The following RELCH variants were observed in gnomAD, a reference collection of about 807,000 sequenced individuals.
RELCH encodes the protein RAB11 binding and LisH domain, coiled-coil and HEAT repeat containing, also known as RAB11-binding protein RELCH.
RELCH carries 41 observed loss-of-function variants against 150.3 expected under a neutral mutation model. The observed-to-expected ratio is 0.27, with a 90% CI of 0.21 to 0.35. The LOEUF (loss-of-function observed/expected upper bound fraction) is 0.35, where lower values mean the gene tolerates loss of function less well. RELCH is among the 10% of genes least tolerant of loss of function. The pLI, the probability that RELCH is intolerant of heterozygous loss-of-function variation, is 1.00. For synonymous variants in RELCH, 478 were observed against 531.8 expected, an observed-to-expected ratio of 0.90 and a Z score of 1.39; for missense variants, 1,092 against 1,467.8, an observed-to-expected ratio of 0.74 and a Z score of 4.18.
intron 1 of RELCH, among the ~76,000 whole-genome samples, chr18:62,190,094 G>T (rs1366291763): frequency 1.3e-5 from 2 of 152,078 alleles, no homozygotes; most frequent in Non-Finnish European, 2.9e-5. Context: ...AATGGTAGTT[G>T]CCTTACCTGT....
intron 11 of RELCH, among the ~76,000 whole-genome samples, chr18:62,250,545 A>T (rs2042648462): frequency 6.6e-6 from 1 of 152,208 alleles, no homozygotes. Context: ...CTAAAGTAGA[A>T]GGAAATAGGA....
At chr18:62,237,140 T>C (rs2041916133) in intron 10 of RELCH, among the ~76,000 whole-genome samples, 1 of 151,986 alleles carries the variant, frequency 6.6e-6, no homozygotes, top group African/African-American at 2.4e-5. Flanking sequence ...CATTCTGTTG[T>C]AGTCAGAGAA....
intron 2 of RELCH, among the ~76,000 whole-genome samples, chr18:62,220,581 A>G (rs2040802822): frequency 6.9e-6 from 1 of 145,982 alleles, no homozygotes; most frequent in African/African-American, 2.6e-5. Flanking sequence ...TAACTTTTGT[A>G]AAAAAAAAAT....
intron 2 of RELCH, among the ~76,000 whole-genome samples, chr18:62,219,779 C>T (rs2040732214): frequency 6.6e-6 from 1 of 151,998 alleles, no homozygotes; most frequent in Non-Finnish European, 1.5e-5. Flanking sequence ...CCTTTGTGTA[C>T]TAGATGTGAT....
At chr18:62,293,874 C>T (rs1159637622) in intron 27 of RELCH, among the ~76,000 whole-genome samples, 1 of 151,958 alleles carries the variant, frequency 6.6e-6, no homozygotes. Flanking sequence ...TATTTTCATA[C>T]TTTGTTTTTC....
In RELCH at chr18:62,305,375, T is replaced by C; in HGVS notation, c.3531-39T>C. 1 of 1,559,410 alleles carries C rather than the reference T, an allele frequency of 6.4e-7. No individual in the cohort carries two copies. The highest frequency in any genetic ancestry group is 8.6e-7 in the Non-Finnish European group (1 of 1,156,526). On this transcript the variant is annotated intron_variant, in intron 28 of 28. Transcript: ENST00000644646. The surrounding 1 kb of genome is among the most constrained non-coding windows in gnomAD (Gnocchi z 4.0). ...TAAATAAATGAAAAATTTTTATTTT[T>C]TTAATTGCTTTACATGAATTTTAAA...
At chr18:62,272,861 T>C (rs1240743696) in intron 20 of RELCH, among the ~76,000 whole-genome samples, 1 of 152,086 alleles carries the variant, frequency 6.6e-6, no homozygotes, top group Non-Finnish European at 1.5e-5. Context: ...TATTTTATAT[T>C]TGAAATAGTA....
intron 5 of RELCH, among the ~76,000 whole-genome samples, chr18:62,221,700 A>T (rs2148375611): frequency 6.6e-6 from 1 of 151,732 alleles, no homozygotes; most frequent in African/African-American, 2.4e-5. Context: ...TTCTACATAA[A>T]GACTTTTCAT....
intron 1 of RELCH, among the ~76,000 whole-genome samples, chr18:62,195,280 C>CTGTGTGTG (rs148387504): frequency 0.074 from 10,030 of 136,176 alleles, 368 homozygotes; most frequent in South Asian, 0.13. Context: ...TACACACACT[C>CTGTGTGTG]TGTGTGTGTG....
chr18:62,249,813 A>T (rs1233567127), intron 11 of RELCH, among the ~76,000 whole-genome samples: 1 of 152,056 alleles, frequency 6.6e-6, no homozygotes, highest in African/African-American at 2.4e-5. Flanking sequence ...TTACTAAAAT[A>T]GACTAATATA....
intron 27 of RELCH, among the ~76,000 whole-genome samples, chr18:62,294,350 T>C (rs960667059): frequency 3.3e-5 from 5 of 152,238 alleles, no homozygotes; most frequent in African/African-American, 7.2e-5. Context: ...TTAGTTCTTA[T>C]GTTTGCCAAC....
chr18:62,193,679 A>T (rs1421491331), intron 1 of RELCH, among the ~76,000 whole-genome samples: 2 of 152,144 alleles, frequency 1.3e-5, no homozygotes, highest in Non-Finnish European at 2.9e-5. Context: ...TGATTTGTGT[A>T]TGTTGAACCA....
At chr18:62,254,329 A>C (rs1257642523) in intron 12 of RELCH, among the ~76,000 whole-genome samples, 3 of 151,858 alleles carry the variant, frequency 2.0e-5, no homozygotes, top group Admixed American at 1.3e-4. Context: ...TGTTTTATTT[A>C]TTTCTAAGTA....
At position 62,307,548 on chromosome 18, in the gene RELCH, C is replaced by T. The variant is rs1199275453; in HGVS notation, c.*2014C>T. The stretch of plus-strand genomic sequence containing the variant: ...ATATTTTAATATCATTAAGATTTCA[C>T]ATTGTGGTTTTGTTTTTTGTTTGTT... On this transcript the variant is annotated 3_prime_UTR_variant, in exon 29 of 29. Transcript: ENST00000644646. 1.3e-5 allele frequency: 2 copies of T among 151,948 alleles called. No homozygotes were observed. The highest frequency in any genetic ancestry group is 1.3e-4 in the Admixed American group (2 of 15,260). The allele number at this position is 151,948 out of a possible 1,614,324, so 9.4% of individuals were successfully genotyped here. A position where few individuals can be genotyped will look rare whatever the true frequency, so the allele number is the denominator to read the frequency against.
Position 62,187,530 on chromosome 18 carries a change from A to G in RELCH, c.25A>G (p.Ser9Gly). 6.6e-7 allele frequency: 1 copy of G among 1,514,000 alleles called. No individual in the cohort carries two copies. The highest frequency in any genetic ancestry group is 2.3e-5 in the East Asian group (1 of 43,864). 93.8% of individuals were successfully genotyped at this position (1,514,000 alleles called of 1,614,324 possible). The part of the protein sequence containing the change: MAAMAPGG[S>G]GSGGGVNPFL... ...GATGGCGGCGATGGCGCCTGGAGGT[A>G]GTGGCAGTGGTGGCGGCGTGAATCC... The change falls in exon 1 of 29, where the codon AGT (serine) becomes GGT (glycine). Residue 9 changes from serine to glycine, a missense_variant. This residue lies in a region of RELCH where 138 missense variants were observed against 124.8 expected (regional missense o/e 1.11). Transcript: ENST00000644646.
intron 18 of RELCH, 83 bp downstream of exon 18, chr18:62,264,935 G>C: frequency 9.1e-7 from 1 of 1,101,482 alleles, no homozygotes; most frequent in Non-Finnish European, 1.3e-6. Flanking sequence ...GTAAATAAAA[G>C]CATGAACCAT....
chr18:62,197,181 G>T (rs2039106475), intron 1 of RELCH, among the ~76,000 whole-genome samples: 1 of 152,136 alleles, frequency 6.6e-6, no homozygotes, highest in African/African-American at 2.4e-5. Context: ...CCATATAATA[G>T]GGTGTTTCCA....
intron 5 of RELCH, among the ~76,000 whole-genome samples, chr18:62,221,740 A>G (rs1215221301): frequency 6.6e-6 from 1 of 151,622 alleles, no homozygotes; most frequent in Non-Finnish European, 1.5e-5. Flanking sequence ...ACTACTCCTC[A>G]GTGACTATAT....
intron 2 of RELCH, among the ~76,000 whole-genome samples, chr18:62,213,334 T>C (rs73456666): frequency 9.2e-5 from 14 of 152,222 alleles, no homozygotes; most frequent in African/African-American, 3.4e-4. Flanking sequence ...ATATTTTAGA[T>C]TGAGTAAAAT....
Sources: gnomAD v4.1 joint callset for allele counts (sites outside exome capture counted in the v4.1 genomes callset) on GRCh38, gnomAD v4.1.1 for gene constraint, gnomAD v4.1.1 regional missense constraint, Gnocchi (gnomAD v3.1) non-coding constraint, MANE v1.5 for transcripts, NCBI Gene and HGNC (gene_info 2026-07-23, HGNC 2026-07-21) for gene names.